The following FGFRL1 variants were observed in gnomAD, a reference collection of about 807,000 sequenced individuals.
The protein encoded by FGFRL1 is fibroblast growth factor receptor like 1.
FGFRL1 carries 24 observed loss-of-function variants against 36.8 expected under a neutral mutation model. That is an observed-to-expected ratio of 0.65 (90% CI 0.47 to 0.92). FGFRL1 has a LOEUF of 0.92. Ranked by LOEUF, FGFRL1 falls within the 40% of genes least tolerant of loss-of-function variation. The probability of loss-of-function intolerance (pLI) is 0.00; values close to 1 mark genes in which losing one functional copy is unlikely to be tolerated. For missense variants in FGFRL1, 785 were observed against 753.4 expected (o/e 1.04, Z -0.49); for synonymous variants, 422 against 344.1 (o/e 1.23, Z -2.50).
intron 3 of FGFRL1, among the ~76,000 whole-genome samples, chr4:1,022,679 G>A (rs1016119870): frequency 1.3e-5 from 2 of 152,208 alleles, no homozygotes; most frequent in Admixed American, 6.5e-5. Context: ...TCCCCGTCAG[G>A]CTCCAGCCTC....
At chr4:1,022,525 G>T in intron 3 of FGFRL1, 50 bp downstream of exon 3, 3 of 1,540,676 alleles carry the variant, frequency 1.9e-6, no homozygotes, top group Non-Finnish European at 2.6e-6. Flanking sequence ...GAGCCAGGCA[G>T]GGGTGTGCAG....
At chr4:1,020,479 G>A (rs1197214058) in intron 2 of FGFRL1, among the ~76,000 whole-genome samples, 1 of 151,750 alleles carries the variant, frequency 6.6e-6, no homozygotes, top group Non-Finnish European at 1.5e-5. Flanking sequence ...GGTGCCCCGA[G>A]TTTCTGAGGC....
At position 1,025,133 on chromosome 4, in the gene FGFRL1, C is replaced by T. The variant is rs747340530; in HGVS notation, c.1301C>T (p.Ser434Leu). Residue 434 changes from serine to leucine, a missense_variant, in exon 7 of 7, where the codon TCG (serine) becomes TTG (leucine). Transcript: ENST00000510644. ...CGCAGCGGAGACAAGGACCTTCCCT[C>T]GTTGGCCGCCCTCAGCGCTGGCCCT... Reference protein sequence around the residue: ...RDRSGDKDLPSLAALSAGPGV... With the variant: ...RDRSGDKDLPLLAALSAGPGV... 9.3e-6 allele frequency: 15 copies of T among 1,611,040 alleles called. No individual in the cohort carries two copies. The highest frequency in any genetic ancestry group is 3.3e-5 in the Admixed American group (2 of 59,788).
At chr4:1,011,383 G>T (rs1715570192), upstream of FGFRL1, 1 of 144,528 alleles carries the variant, frequency 6.9e-6, no homozygotes, top group Middle Eastern at 3.6e-3. Flanking sequence ...GCGCGGCGAG[G>T]CTCGGGTTGG....
Position 1,022,350 on chromosome 4 carries a change from G to A in FGFRL1, c.227G>A (p.Arg76His), listed in dbSNP as rs775138464. The change falls in exon 3 of 7, where the codon CGC becomes CAC. Residue 76 changes from arginine (R) to histidine (H), a missense_variant. Arg to His is a conservative substitution (Grantham distance 29). Transcript: ENST00000510644. ...DGRTIHSGWS[R>H]FRVLPQGLKV... ...CGCACCATCCACAGCGGCTGGAGCC[G>A]CTTCCGCGTGCTGCCGCAGGGGCTG... is the stretch of plus-strand genomic sequence containing the variant. 1.0e-5 allele frequency: 16 copies of A among 1,606,506 alleles called. No individual in the cohort carries two copies. The highest frequency in any genetic ancestry group is 8.5e-5 in the Admixed American group (5 of 59,036).
intron 2 of FGFRL1, among the ~76,000 whole-genome samples, chr4:1,015,642 C>T (rs1187794183): frequency 6.6e-6 from 1 of 152,246 alleles, no homozygotes; most frequent in East Asian, 1.9e-4. Context: ...TCAATTACTT[C>T]TTGCCTGGTG....
chr4:1,014,064 TC>T (rs1173506949), intron 2 of FGFRL1, among the ~76,000 whole-genome samples: 1 of 152,212 alleles, frequency 6.6e-6, no homozygotes, highest in African/African-American at 2.4e-5. Flanking sequence ...GCGAGGTCCA[TC>T]CAAGTGTGTT....
rs1233796400 is a variant in FGFRL1, at chr4:1,024,101, C to T, written c.718C>T (p.Gln240Ter). The change falls in exon 5 of 7, where the codon CAG becomes TAG. Residue 240 changes from glutamine to a stop codon, truncating the protein, a stop_gained and splice_region_variant. Coordinates refer to ENST00000510644, the MANE Select transcript of FGFRL1 (RefSeq NM_001004356.3). LOFTEE classifies it high-confidence loss of function. ...CGCCACCTACAAGGTGGATGTGATC[C>T]GTGAGTGTGGCCCCGGGCGCTGGCG... ...INATYKVDVI[Q>*]RTRSKPVLTG... 6.5e-6 allele frequency: 10 copies of T among 1,545,024 alleles called. No individual in the cohort carries two copies. The highest frequency in any genetic ancestry group is 1.4e-5 in the African/African-American group (1 of 72,272).
chr4:1,022,526 G>A (rs747996757), intron 3 of FGFRL1, 51 bp downstream of exon 3: 1 of 1,540,772 alleles, frequency 6.5e-7, no homozygotes, highest in Non-Finnish European at 8.8e-7. Context: ...AGCCAGGCAG[G>A]GGTGTGCAGG....
rs537262686 is a variant in FGFRL1 at position 1,024,915 on chromosome 4, G to T, written c.1083G>T (p.Pro361=). The stretch of plus-strand genomic sequence containing the variant: ...CTCTCGCTCTTGCAGACCCAAAACC[G>T]CCAGGGCCACCTGTGGCCTCCTCGT... ...AFLTVLPDPK[P]PGPPVASSSS... The change falls in exon 7 of 7, where the codon CCG becomes CCT. Residue 361 remains proline (P), a synonymous_variant. Transcript: ENST00000510644. 4 of 1,591,370 alleles carry T rather than the reference G, an allele frequency of 2.5e-6. No individual in the cohort carries two copies. Among genetic ancestry groups the T allele is most frequent in the Admixed American group, 1.7e-5 (1 of 58,894 alleles).
At position 1,022,822 on chromosome 4, in the gene FGFRL1, G is replaced by A. The variant is rs181373145; in HGVS notation, c.352+347G>A. On this transcript the variant is annotated intron_variant, in intron 3 of 6. Transcript: ENST00000510644. Reference sequence around the variant, plus strand: ...GCTGTGACTTTGAGGCTCGGGTTTCGGAGTTCAGAGGAGCCGCCGGGATGC... The same window carrying A: ...GCTGTGACTTTGAGGCTCGGGTTTCAGAGTTCAGAGGAGCCGCCGGGATGC... Among the ~76,000 whole-genome samples the A allele has an allele frequency of 3.0e-3, 450 of 152,276 alleles. 2 individuals are homozygous for A. The highest frequency in any genetic ancestry group is 6.8e-3 in the Middle Eastern group (2 of 294).
intron 1 of FGFRL1, 146 bp from the exon 2 acceptor site, chr4:1,012,324 C>A: frequency 1.2e-6 from 1 of 814,196 alleles, no homozygotes; most frequent in Non-Finnish European, 1.9e-6. Flanking sequence ...CACAGCTTCT[C>A]CCCGCTGCGG....
chr4:1,022,734 C>A (rs548520600), intron 3 of FGFRL1, among the ~76,000 whole-genome samples: 2 of 152,168 alleles, frequency 1.3e-5, no homozygotes, highest in Non-Finnish European at 2.9e-5. Context: ...GGGCGGGAGC[C>A]GAAGGCAGTG....
At chr4:1,020,155 C>T (rs1299355538) in intron 2 of FGFRL1, among the ~76,000 whole-genome samples, 2 of 152,354 alleles carry the variant, frequency 1.3e-5, no homozygotes, top group African/African-American at 4.8e-5. Flanking sequence ...CACAGGGCCA[C>T]TGTTAACTGT....
At chr4:1,016,189 C>T (rs1475323126) in intron 2 of FGFRL1, among the ~76,000 whole-genome samples, 1 of 152,186 alleles carries the variant, frequency 6.6e-6, no homozygotes, top group Non-Finnish European at 1.5e-5. Context: ...AGCATCAGCT[C>T]ACCCCTGATC....
At chr4:1,011,010 C>G (rs1252812925), upstream of FGFRL1, 1 of 152,208 alleles carries the variant, frequency 6.6e-6, no homozygotes, top group Non-Finnish European at 1.5e-5. Context: ...AGGACCCCTG[C>G]CTGCATCGCC....
chr4:1,024,071 A>G lies in FGFRL1; in HGVS notation c.688A>G (p.Ile230Val), dbSNP rs919516654. 19 of 1,600,020 alleles carry G rather than the reference A, an allele frequency of 1.2e-5. No homozygotes were observed. The highest frequency in any genetic ancestry group is 1.5e-5 in the Non-Finnish European group (18 of 1,175,866). The change falls in exon 5 of 7, where the codon ATC becomes GTC. Residue 230 changes from isoleucine (I) to valine (V), a missense_variant. By Grantham distance (29) the Ile-to-Val change is conservative. Transcript: ENST00000510644. ...CCGCGTGTCGAACCGCGCGGGCGCC[A>G]TCAACGCCACCTACAAGGTGGATGT... ...TCRVSNRAGAINATYKVDVIQ... is the reference protein window; with the variant it reads ...TCRVSNRAGAVNATYKVDVIQ...
chr4:1,017,741 C>T (rs1715967915), intron 2 of FGFRL1, among the ~76,000 whole-genome samples: 1 of 152,186 alleles, frequency 6.6e-6, no homozygotes, highest in Admixed American at 6.5e-5. Context: ...GTGTCTCTCC[C>T]TGTGCTGAGG....
At chr4:1,013,634 C>T (rs1252472278) in intron 2 of FGFRL1, among the ~76,000 whole-genome samples, 1 of 152,280 alleles carries the variant, frequency 6.6e-6, no homozygotes, top group Non-Finnish European at 1.5e-5. Context: ...CTGGGCGAGC[C>T]CCTACCATGG....
Sources: allele counts gnomAD v4.1 joint callset (sites outside exome capture counted in the v4.1 genomes callset), GRCh38; gene constraint gnomAD v4.1.1; transcripts MANE v1.5; gene names NCBI Gene and HGNC (gene_info 2026-07-23, HGNC 2026-07-21).